Variants in RAPGEF4 observed in about 807,000 individuals in gnomAD.
The protein encoded by RAPGEF4 is RAP guanine-nucleotide-exchange factor (GEF) 4.
Under a neutral mutation model 147.9 loss-of-function variants are expected in RAPGEF4, and 66 were observed. That is an observed-to-expected ratio of 0.45 (90% CI 0.37 to 0.55). The LOEUF is 0.55. Among genes scored for constraint, RAPGEF4 ranks in the 20% least tolerant of loss-of-function variants. RAPGEF4 has a pLI of 0.00. For missense variants in RAPGEF4, 1,071 were observed against 1,257.3 expected, an observed-to-expected ratio of 0.85 and a Z score of 2.24; for synonymous variants, 419 against 442.7, an observed-to-expected ratio of 0.95 and a Z score of 0.67.
At chr2:172,969,189 G>A (rs73015692) in intron 10 of RAPGEF4, among the ~76,000 whole-genome samples, 192 of 152,328 alleles carry the variant, frequency 1.3e-3, no homozygotes, top group African/African-American at 4.4e-3. Context: ...TTTCTTAAAG[G>A]CAAAGACAGA....
In RAPGEF4 at chr2:172,957,757, C is replaced by T. The variant is rs182826473; in HGVS notation, c.538-3003C>T. ...AGGATCTGAGGATTCTGCCTTTCAACAGATGAAATACCCTCTTGGTCCTGG... is the reference window on the plus strand; with the variant it reads ...AGGATCTGAGGATTCTGCCTTTCAATAGATGAAATACCCTCTTGGTCCTGG... On this transcript the variant is annotated intron_variant, in intron 6 of 30. Transcript: ENST00000397081. Among the ~76,000 whole-genome samples, 7 of 152,322 alleles carry T rather than the reference C, an allele frequency of 4.6e-5. No individual in the cohort carries two copies. The East Asian group carries it at 1.4e-3, about 29-fold the overall frequency.
chr2:173,015,579 T>C (rs1430702991), intron 18 of RAPGEF4, among the ~76,000 whole-genome samples: 5 of 152,326 alleles, frequency 3.3e-5, no homozygotes, highest in African/African-American at 1.2e-4. Flanking sequence ...ATGCGAGGAA[T>C]GGCGGTAGCT....
At chr2:172,995,485 G>T (rs879932493) in intron 15 of RAPGEF4, among the ~76,000 whole-genome samples, 3 of 152,090 alleles carry the variant, frequency 2.0e-5, no homozygotes, top group Non-Finnish European at 4.4e-5. Flanking sequence ...TCACCGTGTT[G>T]CCCAGGCTGG....
chr2:172,850,284 T>C (rs1169577574), intron 4 of RAPGEF4, among the ~76,000 whole-genome samples: 2 of 152,140 alleles, frequency 1.3e-5, no homozygotes, highest in Non-Finnish European at 2.9e-5. Context: ...ATGTCAATTT[T>C]TTTGCTTTAG....
chr2:172,831,699 G>A (rs1559064892), intron 4 of RAPGEF4, among the ~76,000 whole-genome samples: 1 of 152,068 alleles, frequency 6.6e-6, no homozygotes, highest in Non-Finnish European at 1.5e-5. Flanking sequence ...AAGCAAAAGA[G>A]GTTACCTCCT....
At position 172,788,226 on chromosome 2, in the gene RAPGEF4, G is replaced by A. The variant is rs186572741; in HGVS notation, c.66-6799G>A. ...GTTAGGATTTTAACATATAAATTTC[G>A]GGGACTTAGGACACAACATTTAGAC... On this transcript the variant is annotated intron_variant, in intron 1 of 30. Transcript: ENST00000397081. 1.8e-3 allele frequency among the ~76,000 whole-genome samples: 278 copies of A among 152,206 alleles called. 5 individuals carry two copies. In the South Asian group the frequency reaches 0.026, roughly 14 times the overall value.
chr2:172,999,860 T>C (rs1693724941), intron 16 of RAPGEF4, among the ~76,000 whole-genome samples: 2 of 152,290 alleles, frequency 1.3e-5, no homozygotes, highest in South Asian at 2.1e-4. Context: ...AGTTGCTACA[T>C]GTGAGGAGAG....
chr2:173,000,347 G>T (rs553727839), intron 16 of RAPGEF4, among the ~76,000 whole-genome samples: 1 of 152,172 alleles, frequency 6.6e-6, no homozygotes, highest in Non-Finnish European at 1.5e-5. Context: ...GCATTAAAAT[G>T]TACGTATTTC....
Position 172,826,026 on chromosome 2 carries a change from G to A in RAPGEF4, c.444+11601G>A, listed in dbSNP as rs77417462. 5.9e-5 allele frequency among the ~76,000 whole-genome samples: 9 copies of A among 152,212 alleles called. No individual in the cohort carries two copies. The East Asian group carries it at 1.7e-3, about 29-fold the overall frequency. ...ATTTTATGATCTGTAACAAAATTTT[G>A]TGAAGATTTCTTTTCTGGATATTTG... is the stretch of plus-strand genomic sequence containing the variant. On this transcript the variant is annotated intron_variant, in intron 4 of 30. Transcript: ENST00000397081.
At chr2:172,942,097 T>G (rs1231432812) in intron 6 of RAPGEF4, among the ~76,000 whole-genome samples, 1 of 151,840 alleles carries the variant, frequency 6.6e-6, no homozygotes, top group Non-Finnish European at 1.5e-5. Context: ...TGTGGAATGA[T>G]TAAATCAAGC....
chr2:172,745,637 CTTAG>C (rs1012568886), intron 1 of RAPGEF4, among the ~76,000 whole-genome samples: 1 of 151,802 alleles, frequency 6.6e-6, no homozygotes, highest in African/African-American at 2.4e-5. Flanking sequence ...AAAGTGGAAA[CTTAG>C]TTGGTTAATT....
At chr2:172,794,261 C>T (rs1356472735) in intron 1 of RAPGEF4, among the ~76,000 whole-genome samples, 4 of 149,356 alleles carry the variant, frequency 2.7e-5, no homozygotes, top group African/African-American at 9.9e-5. Context: ...CGGCTGTATT[C>T]GCTTGAACCC....
At chr2:172,955,531 A>G (rs1688636642) in intron 6 of RAPGEF4, among the ~76,000 whole-genome samples, 1 of 152,140 alleles carries the variant, frequency 6.6e-6, no homozygotes, top group Non-Finnish European at 1.5e-5. Flanking sequence ...TTAGGATCAC[A>G]TTGTCACAGC....
chr2:172,997,154 C>A (rs1415168498), intron 16 of RAPGEF4, among the ~76,000 whole-genome samples: 1 of 152,172 alleles, frequency 6.6e-6, no homozygotes, highest in Non-Finnish European at 1.5e-5. Context: ...GAATCTGTTC[C>A]ATGCCTCTCT....
At chr2:172,840,184 G>A (rs10514632) in intron 4 of RAPGEF4, among the ~76,000 whole-genome samples, 29,295 of 152,074 alleles carry the variant, frequency 0.19, 3,487 homozygotes, top group Middle Eastern at 0.31. Flanking sequence ...ATCTGTGTTC[G>A]CTAGCTTTTT....
At chr2:172,799,324 A>G (rs948345267) in intron 3 of RAPGEF4, among the ~76,000 whole-genome samples, 1 of 152,170 alleles carries the variant, frequency 6.6e-6, no homozygotes, top group Non-Finnish European at 1.5e-5. Flanking sequence ...TATTGTATCT[A>G]GAAATTAGAG....
intron 4 of RAPGEF4, among the ~76,000 whole-genome samples, chr2:172,914,842 T>C (rs1348856968): frequency 1.3e-5 from 2 of 152,206 alleles, no homozygotes; most frequent in Non-Finnish European, 2.9e-5. Flanking sequence ...TATATTGCGC[T>C]GTAGTTTTTA....
chr2:172,991,521 C>T (rs1692836350), intron 15 of RAPGEF4, among the ~76,000 whole-genome samples: 1 of 152,168 alleles, frequency 6.6e-6, no homozygotes, highest in Non-Finnish European at 1.5e-5. Context: ...ATGTTCAGTT[C>T]CAGCTTTTGC....
intron 1 of RAPGEF4, among the ~76,000 whole-genome samples, chr2:172,749,366 CT>C (rs1163759447): frequency 1.3e-5 from 2 of 152,354 alleles, no homozygotes; most frequent in African/African-American, 4.8e-5. Flanking sequence ...AACCTCAGTT[CT>C]TGACTTCTGA....
Sources: allele counts gnomAD v4.1 joint callset (sites outside exome capture counted in the v4.1 genomes callset), GRCh38; gene constraint gnomAD v4.1.1; transcripts MANE v1.5; gene names NCBI Gene and HGNC (gene_info 2026-07-23, HGNC 2026-07-21).